The following NFRKB variants were observed in gnomAD, a reference collection of about 807,000 sequenced individuals.
NFRKB encodes the protein nuclear factor related to kappaB binding protein, also known as nuclear factor related to kappa-B-binding protein.
A neutral mutation model predicts 135.7 loss-of-function variants in NFRKB; 62 were observed. The observed-to-expected ratio is 0.46, with a 90% CI of 0.37 to 0.56. The LOEUF (loss-of-function observed/expected upper bound fraction) is 0.56, where lower values mean the gene tolerates loss of function less well. Among genes scored for constraint, NFRKB ranks in the 20% least tolerant of loss-of-function variants. The pLI, the probability that NFRKB is intolerant of heterozygous loss-of-function variation, is 0.00. For synonymous variants in NFRKB, 678 were observed against 635.6 expected (o/e 1.07, Z -1.00); for missense variants, 1,545 against 1,662.0 (o/e 0.93, Z 1.22).
At chr11:129,866,677 G>A (rs1169877175) in intron 24 of NFRKB, among the ~76,000 whole-genome samples, 1 of 152,190 alleles carries the variant, frequency 6.6e-6, no homozygotes, top group African/African-American at 2.4e-5. Context: ...GGGACTTCAG[G>A]ATGGTTAAGA....
Position 129,876,830 on chromosome 11 carries a change from C to G in NFRKB, c.1638G>C (p.Val546=), listed in dbSNP as rs772033993. Residue 546 remains valine, a synonymous_variant, in exon 17 of 27, where the codon GTG becomes GTC. Coordinates refer to ENST00000682444, the MANE Select transcript of NFRKB (RefSeq NM_001143835.2). ...FTFRMHGFES[V]VGPVKGVFDK... Reference sequence around the variant, plus strand: ...CAAACACGCCCTTCACTGGCCCCACCACAGACTCAAAGCCGTGCATGCGAA... The same window carrying G: ...CAAACACGCCCTTCACTGGCCCCACGACAGACTCAAAGCCGTGCATGCGAA... The G allele has an allele frequency of 1.9e-6, 3 of 1,614,042 alleles. No individual in the cohort carries two copies. The highest frequency in any genetic ancestry group is 2.5e-6 in the Non-Finnish European group (3 of 1,180,038).
chr11:129,877,012 T>C (rs951281052), intron 16 of NFRKB, 117 bp from the exon 17 acceptor site: 112 of 1,034,444 alleles, frequency 1.1e-4, no homozygotes, highest in Non-Finnish European at 1.5e-4. Context: ...GAACAAGTGA[T>C]TCTATGATTC....
intron 24 of NFRKB, among the ~76,000 whole-genome samples, chr11:129,868,534 A>C (rs1291204378): frequency 6.6e-6 from 1 of 152,210 alleles, no homozygotes; most frequent in Non-Finnish European, 1.5e-5. Context: ...TCAACTCTCC[A>C]TGTGCGCACC....
chr11:129,872,060 C>T (rs370929119), intron 23 of NFRKB, among the ~76,000 whole-genome samples: 34 of 152,250 alleles, frequency 2.2e-4, no homozygotes, highest in East Asian at 1.4e-3. Context: ...CTTCATGGCA[C>T]GCTTTCTTTC....
chr11:129,882,052 T>C lies in NFRKB; in HGVS notation c.1191+34A>G, dbSNP rs370565988. On this transcript the variant is annotated intron_variant, in intron 11 of 26. Transcript: ENST00000682444. ...TTCAGGATTTGAACACTTTGAAAAC[T>C]CTAATGTACCTCCAACTTTTCCAAA... is the stretch of plus-strand genomic sequence containing the variant. 4.6e-5 allele frequency: 71 copies of C among 1,557,474 alleles called. No individual in the cohort carries two copies. In the African/African-American group the frequency reaches 7.6e-4, roughly 17 times the overall value.
chr11:129,888,521 A>G (rs1565422976), intron 4 of NFRKB, 73 bp downstream of exon 4: 4 of 1,379,482 alleles, frequency 2.9e-6, no homozygotes, highest in Non-Finnish European at 4.1e-6. Flanking sequence ...AAAAGGAAGA[A>G]AGGAATACCC....
Position 129,882,620 on chromosome 11 carries a change from A to G in NFRKB, c.913T>C (p.Leu305=). Residue 305 remains leucine (L), a synonymous_variant, in exon 10 of 27, where the codon TTG becomes CTG. Transcript: ENST00000682444. The part of the protein sequence containing the change: ...RKGSLAALYD[L]AVLKKKVKEK... ...TTAACCTTTTTTTTAAGGACAGCCAAGTCATATAAGGCTAGAAAGGCAAAG... is the reference window on the plus strand; with the variant it reads ...TTAACCTTTTTTTTAAGGACAGCCAGGTCATATAAGGCTAGAAAGGCAAAG... The G allele has an allele frequency of 6.2e-7, 1 of 1,613,450 alleles. No homozygotes were observed. Among genetic ancestry groups the G allele is most frequent in the Non-Finnish European group, 8.5e-7 (1 of 1,179,934 alleles).
chr11:129,869,359 T>A lies in NFRKB; in HGVS notation c.3531+135A>T, dbSNP rs1042752281. ...ATAAATCTATTTGGGGTAAACGAGG[T>A]GCTTTTAGGGCCTCTAATTTCCACT... On this transcript the variant is annotated intron_variant, in intron 24 of 26. Coordinates refer to ENST00000682444, the MANE Select transcript of NFRKB (RefSeq NM_001143835.2). 12 of 941,344 alleles carry A rather than the reference T, an allele frequency of 1.3e-5. No individual in the cohort carries two copies. In the African/African-American group the frequency reaches 1.8e-4, roughly 14 times the overall value. 58.3% of individuals were successfully genotyped at this position (941,344 alleles called of 1,614,324 possible). A position where few individuals can be genotyped will look rare whatever the true frequency, so the allele number is the denominator to read the frequency against.
intron 9 of NFRKB, 130 bp downstream of exon 9, chr11:129,882,992 T>C (rs2135664796): frequency 1.3e-6 from 1 of 750,274 alleles, no homozygotes. Flanking sequence ...CCTGTTAGCC[T>C]GTAAGAGGTA....
intron 3 of NFRKB, among the ~76,000 whole-genome samples, chr11:129,889,306 A>G (rs1267196187): frequency 6.6e-6 from 1 of 152,174 alleles, no homozygotes; most frequent in East Asian, 1.9e-4. Context: ...TCTTGAGATT[A>G]AAGACTACAT....
In NFRKB at chr11:129,869,401, C is replaced by T. The variant is rs537298193; in HGVS notation, c.3531+93G>A. 24 of 1,422,464 alleles carry T rather than the reference C, an allele frequency of 1.7e-5. No individual in the cohort carries two copies. In the South Asian group the frequency reaches 3.2e-4, roughly 19 times the overall value. The allele number at this position is 1,422,464 out of a possible 1,614,324, so 88.1% of individuals were successfully genotyped here. On this transcript the variant is annotated intron_variant, in intron 24 of 26. Coordinates refer to ENST00000682444, the MANE Select transcript of NFRKB (RefSeq NM_001143835.2). ...ATTTCCACTCCTAAAAAGAAGTTTCCTAGTTTTTAGGGAGTTTCTCGGGTA... is the reference window on the plus strand; with the variant it reads ...ATTTCCACTCCTAAAAAGAAGTTTCTTAGTTTTTAGGGAGTTTCTCGGGTA...
rs746908744 is a variant in NFRKB at position 129,888,468 on chromosome 11, G to T, written c.337+126C>A. The T allele has an allele frequency of 9.1e-6, 9 of 985,742 alleles. No individual in the cohort carries two copies. The East Asian group carries it at 2.0e-4, about 22-fold the overall frequency. The allele number at this position is 985,742 out of a possible 1,614,324, so 61.1% of individuals were successfully genotyped here. ...AGACAGCAAAGTGTTACACAAAACC[G>T]CTCTTTGCTGCCTCAGTATCTGTAC... On this transcript the variant is annotated intron_variant, in intron 4 of 26. Transcript: ENST00000682444.
chr11:129,885,716 C>A, intron 5 of NFRKB, 107 bp from the exon 6 acceptor site: 19 of 987,838 alleles, frequency 1.9e-5, no homozygotes, highest in Non-Finnish European at 2.7e-5. Flanking sequence ...AAGCCCAACT[C>A]CCTCCCTCCA....
chr11:129,865,251 A>G, intron 25 of NFRKB, 150 bp from the exon 26 acceptor site: 5 of 857,352 alleles, frequency 5.8e-6, no homozygotes. Flanking sequence ...TGCTGAGACC[A>G]CCTTTCTTCC....
chr11:129,867,407 C>G (rs1009014706), intron 24 of NFRKB, among the ~76,000 whole-genome samples: 2 of 149,906 alleles, frequency 1.3e-5, no homozygotes, highest in Non-Finnish European at 3.0e-5. Flanking sequence ...CTCACTGCAA[C>G]CCGGGTTCAA....
chr11:129,882,024 C>A, intron 11 of NFRKB, 62 bp downstream of exon 11: 1 of 1,484,140 alleles, frequency 6.7e-7, no homozygotes. Context: ...AAGCTATAGA[C>A]CATTCAGGAT....
At chr11:129,881,698 TACTG>T in intron 12 of NFRKB, 25 bp downstream of exon 12, 1 of 1,611,194 alleles carries the variant, frequency 6.2e-7, no homozygotes, top group Non-Finnish European at 8.5e-7. Context: ...GGGGGAAAAA[TACTG>T]ACCCTACAAA....
Position 129,875,497 on chromosome 11 carries a change from C to G in NFRKB, c.1748-34G>C, listed in dbSNP as rs773308453. 2.3e-5 allele frequency: 36 copies of G among 1,535,892 alleles called. No homozygotes were observed. The East Asian group carries it at 8.1e-4, about 35-fold the overall frequency. Reference sequence around the variant, plus strand: ...ATGAGAAAGCACACAGTCCACAAGTCAGGCAGGGTTCCTACGGAGGTACAA... The same window carrying G: ...ATGAGAAAGCACACAGTCCACAAGTGAGGCAGGGTTCCTACGGAGGTACAA... On this transcript the variant is annotated intron_variant, in intron 17 of 26. Coordinates refer to ENST00000682444, the MANE Select transcript of NFRKB (RefSeq NM_001143835.2).
intron 3 of NFRKB, among the ~76,000 whole-genome samples, chr11:129,891,686 A>G (rs1444044637): frequency 1.3e-5 from 2 of 152,194 alleles, no homozygotes; most frequent in Non-Finnish European, 2.9e-5. Context: ...CACAGTGTAC[A>G]CCCTCTTAGT....
Sources: gnomAD v4.1 joint callset for allele counts (sites outside exome capture counted in the v4.1 genomes callset) on GRCh38, gnomAD v4.1.1 for gene constraint, MANE v1.5 for transcripts, NCBI Gene and HGNC (gene_info 2026-07-23, HGNC 2026-07-21) for gene names.